The following MTUS1 variants were observed in gnomAD, a reference collection of about 807,000 sequenced individuals.
The protein encoded by MTUS1 is microtubule-associated tumor suppressor 1.
MTUS1 carries 109 observed loss-of-function variants against 120.8 expected under a neutral mutation model. The observed-to-expected ratio is 0.90, with a 90% CI of 0.77 to 1.06. The LOEUF is 1.06. MTUS1 is among the 50% of genes least tolerant of loss of function. The pLI is 0.00. For missense variants in MTUS1, 2,210 were observed against 1,486.3 expected (o/e 1.49, Z -8.01); for synonymous variants, 737 against 550.5 (o/e 1.34, Z -4.74).
At chr8:17,737,415 T>C (rs1316386461) in intron 3 of MTUS1, among the ~76,000 whole-genome samples, 3 of 152,268 alleles carry the variant, frequency 2.0e-5, no homozygotes, top group African/African-American at 7.2e-5. Context: ...AAAGAGATCC[T>C]GATACACACT....
intron 6 of MTUS1, among the ~76,000 whole-genome samples, chr8:17,698,038 A>C (rs1022868368): frequency 1.3e-5 from 2 of 152,184 alleles, no homozygotes; most frequent in African/African-American, 2.4e-5. Context: ...ATATTTAAGA[A>C]AATTTCTATT....
Position 17,678,748 on chromosome 8 carries a change from C to CAAA in MTUS1, c.2839-3499_2839-3497dup, listed in dbSNP as rs35213322. Among the ~76,000 whole-genome samples, 735 of 132,972 alleles carry CAAA rather than the reference C, an allele frequency of 5.5e-3. 6 individuals are homozygous for CAAA. The highest frequency in any genetic ancestry group is 0.031 in the East Asian group (148 of 4,790). 87.2% of individuals were successfully genotyped at this position (132,972 alleles called of 152,430 possible). On this transcript the variant is annotated intron_variant, in intron 7 of 14. Transcript: ENST00000693296. ...GCTACTTTAGGTTAAATTCCACTTG[C>CAAA]AAAAAAAAAAAAAAAAGATGTGGAG...
rs1288736313 is a variant in MTUS1, at chr8:17,743,649, C to A, written c.2242G>T (p.Asp748Tyr). 34 of 1,613,882 alleles carry A rather than the reference C, an allele frequency of 2.1e-5. 1 individual carries two copies. The Admixed American group carries it at 5.3e-4, about 25-fold the overall frequency. ...RNSDNRNPSA[D>Y]RAVSPQRIRR... The stretch of plus-strand genomic sequence containing the variant: ...ATCCTCTGAGGAGATACGGCTCGAT[C>A]AGCACTGGGATTTCTATTGTCACTG... The change falls in exon 3 of 15, where the codon GAT becomes TAT. Residue 748 changes from aspartate (D) to tyrosine (Y), a missense_variant. Asp to Tyr is a radical substitution (Grantham distance 160, BLOSUM62 -3). Coordinates refer to ENST00000693296, the MANE Select transcript of MTUS1 (RefSeq NM_001363059.2).
At chr8:17,707,703 G>T (rs1033068818) in intron 6 of MTUS1, among the ~76,000 whole-genome samples, 2 of 152,126 alleles carry the variant, frequency 1.3e-5, no homozygotes, top group African/African-American at 4.8e-5. Flanking sequence ...TCTTGAAAAA[G>T]AAAGACGTTG....
intron 13 of MTUS1, among the ~76,000 whole-genome samples, chr8:17,647,649 G>A (rs987517116): frequency 4.6e-5 from 7 of 152,146 alleles, no homozygotes; most frequent in African/African-American, 1.2e-4. Flanking sequence ...AACATGCCAC[G>A]AGTCTCCTCA....
In MTUS1 at chr8:17,645,806, T is replaced by C; in HGVS notation, c.*120A>G. On this transcript the variant is annotated 3_prime_UTR_variant, in exon 15 of 15. Transcript: ENST00000693296. ...GATTCCGCCGGTGGTGACGCTCCAG[T>C]TACCCTACGGTGATCACACGTGTGC... 7.7e-7 allele frequency: 1 copy of C among 1,306,108 alleles called. No homozygotes were observed. The highest frequency in any genetic ancestry group is 2.0e-5 in the South Asian group (1 of 49,310). The allele number at this position is 1,306,108 out of a possible 1,614,324, so 80.9% of individuals were successfully genotyped here.
At chr8:17,656,613 G>A (rs1444917320) in intron 8 of MTUS1, among the ~76,000 whole-genome samples, 1 of 141,988 alleles carries the variant, frequency 7.0e-6, no homozygotes, top group Non-Finnish European at 1.5e-5. Flanking sequence ...GAAGACCCAG[G>A]TTTCTAAGAG....
At chr8:17,783,654 A>T (rs532370396) in intron 1 of MTUS1, among the ~76,000 whole-genome samples, 2 of 152,180 alleles carry the variant, frequency 1.3e-5, no homozygotes, top group African/African-American at 2.4e-5. Flanking sequence ...CTGAGGCTCC[A>T]TGAAGACGGT....
At chr8:17,725,440 G>A (rs774550888) in intron 3 of MTUS1, among the ~76,000 whole-genome samples, 13 of 152,156 alleles carry the variant, frequency 8.5e-5, no homozygotes, top group Admixed American at 1.3e-4. Context: ...GCTCTGCTCC[G>A]ATTAACCTCG....
Position 17,710,595 on chromosome 8 carries a change from C to T in MTUS1, c.2623+2619G>A, listed in dbSNP as rs141897973. 6.1e-3 allele frequency among the ~76,000 whole-genome samples: 934 copies of T among 152,326 alleles called. 13 individuals are homozygous for T. The highest frequency in any genetic ancestry group is 0.021 in the African/African-American group (884 of 41,562). On this transcript the variant is annotated intron_variant, in intron 6 of 14. Transcript: ENST00000693296. ...CTGAACCCCTCAAAGTCATCCATGACGGTTAGGTCAGCTTCTTCCAAACTC... is the reference window on the plus strand; with the variant it reads ...CTGAACCCCTCAAAGTCATCCATGATGGTTAGGTCAGCTTCTTCCAAACTC...
intron 8 of MTUS1, chr8:17,674,924 C>T (rs1018743740): frequency 8.0e-7 from 1 of 1,254,952 alleles, no homozygotes; most frequent in Non-Finnish European, 1.0e-6. Flanking sequence ...TAACTCTGTC[C>T]CTCTCTTCAG....
intron 7 of MTUS1, among the ~76,000 whole-genome samples, chr8:17,679,235 A>T (rs571603121): frequency 9.2e-4 from 140 of 152,106 alleles, no homozygotes; most frequent in Middle Eastern, 3.4e-3. Flanking sequence ...TATTATACAT[A>T]TATAAAAATA....
intron 1 of MTUS1, chr8:17,781,040 C>T (rs550941331): frequency 7.2e-5 from 11 of 152,290 alleles, no homozygotes; most frequent in African/African-American, 2.6e-4. Context: ...GGTGTGCAAA[C>T]AGAATTATCC....
At chr8:17,800,299 A>G (rs911414275) in intron 1 of MTUS1, among the ~76,000 whole-genome samples, 1 of 152,154 alleles carries the variant, frequency 6.6e-6, no homozygotes, top group Non-Finnish European at 1.5e-5. Flanking sequence ...TGCACCTGGC[A>G]AAACTTGAAA....
intron 8 of MTUS1, among the ~76,000 whole-genome samples, chr8:17,672,454 T>A (rs935547824): frequency 3.3e-5 from 5 of 152,122 alleles, no homozygotes; most frequent in African/African-American, 1.2e-4. Context: ...TGTGACAACA[T>A]CAGCCTAACC....
intron 1 of MTUS1, among the ~76,000 whole-genome samples, chr8:17,790,241 G>C (rs548444990): frequency 1.1e-4 from 17 of 151,768 alleles, no homozygotes; most frequent in Non-Finnish European, 1.9e-4. Flanking sequence ...CCAGCTACTC[G>C]GGAGGCTGAG....
At chr8:17,762,652 T>C (rs1425291685) in intron 1 of MTUS1, among the ~76,000 whole-genome samples, 1 of 152,214 alleles carries the variant, frequency 6.6e-6, no homozygotes, top group Non-Finnish European at 1.5e-5. Context: ...CATTTCAAAA[T>C]GGTGGACGGC....
At chr8:17,760,056 C>CT (rs58249092) in intron 1 of MTUS1, among the ~76,000 whole-genome samples, 4,480 of 95,450 alleles carry the variant, frequency 0.047, 73 homozygotes, top group South Asian at 0.16. Flanking sequence ...GATTTCTTTT[C>CT]TTTTTTTTTT....
intron 13 of MTUS1, among the ~76,000 whole-genome samples, chr8:17,647,520 C>T (rs1158832232): frequency 6.6e-6 from 1 of 152,120 alleles, no homozygotes; most frequent in Non-Finnish European, 1.5e-5. Flanking sequence ...TTCACAGTCC[C>T]TGGCAACGTT....
Sources: gnomAD v4.1 joint callset for allele counts (sites outside exome capture counted in the v4.1 genomes callset) on GRCh38, gnomAD v4.1.1 for gene constraint, MANE v1.5 for transcripts, NCBI Gene and HGNC (gene_info 2026-07-23, HGNC 2026-07-21) for gene names.